GRIN2A: variants seen among roughly 807,000 people sequenced by gnomAD.
The protein encoded by GRIN2A is glutamate receptor ionotropic, NMDA 2A.
Under a neutral mutation model 113.4 loss-of-function variants are expected in GRIN2A, and 22 were observed. The ratio of observed to expected loss-of-function variants is 0.19; its 90% CI spans 0.14 to 0.28. The LOEUF is 0.28. Ranked by LOEUF, GRIN2A falls within the 10% of genes least tolerant of loss-of-function variation. The pLI is 1.00. For missense variants in GRIN2A, 1,502 were observed against 1,887.0 expected (o/e 0.80, Z 3.78); for synonymous variants, 827 against 738.4 (o/e 1.12, Z -1.94).
chr16:9,946,993 T>G (rs1293386434), intron 2 of GRIN2A, among the ~76,000 whole-genome samples: 2 of 152,236 alleles, frequency 1.3e-5, no homozygotes, highest in African/African-American at 4.8e-5. Context: ...GATTAGCTTT[T>G]CTGTCACTTG....
At chr16:10,108,054 G>A (rs1297488363) in intron 2 of GRIN2A, among the ~76,000 whole-genome samples, 1 of 152,152 alleles carries the variant, frequency 6.6e-6, no homozygotes, top group African/African-American at 2.4e-5. Context: ...CCAAGATTAG[G>A]TACTCCTTGC....
chr16:10,128,256 G>A (rs1326607346), intron 2 of GRIN2A, among the ~76,000 whole-genome samples: 3 of 152,150 alleles, frequency 2.0e-5, no homozygotes, highest in African/African-American at 7.2e-5. Context: ...ACAAGCCATA[G>A]CCGTGGGTGC....
intron 10 of GRIN2A, among the ~76,000 whole-genome samples, chr16:9,813,369 A>G (rs537092594): frequency 6.6e-6 from 1 of 152,352 alleles, no homozygotes; most frequent in Admixed American, 6.5e-5. Context: ...AGAGAATTAT[A>G]GTCAGAAGAA....
chr16:10,118,601 C>T (rs936476040), intron 2 of GRIN2A, among the ~76,000 whole-genome samples: 1 of 152,212 alleles, frequency 6.6e-6, no homozygotes, highest in Non-Finnish European at 1.5e-5. Flanking sequence ...TCTATGTCTT[C>T]CAGTCCTGGT....
chr16:9,788,740 CTTTTTTT>C (rs748774026), intron 11 of GRIN2A, among the ~76,000 whole-genome samples: 38 of 104,874 alleles, frequency 3.6e-4, no homozygotes, highest in African/African-American at 1.3e-3. Flanking sequence ...TTTAAGTCTT[CTTTTTTT>C]TTTTTTTTTT....
intron 11 of GRIN2A, among the ~76,000 whole-genome samples, chr16:9,770,181 T>C (rs1211270924): frequency 6.6e-6 from 1 of 151,948 alleles, no homozygotes. Flanking sequence ...ACTTAGACTA[T>C]GATTCAGCCT....
At chr16:10,111,819 G>C (rs2048620371) in intron 2 of GRIN2A, 3 of 1,294,572 alleles carry the variant, frequency 2.3e-6, no homozygotes, top group African/African-American at 1.5e-5. Flanking sequence ...TCATCACTGA[G>C]ATGGGCACCA....
chr16:10,133,873 C>A (rs1187998222), intron 2 of GRIN2A, among the ~76,000 whole-genome samples: 1 of 152,054 alleles, frequency 6.6e-6, no homozygotes, highest in Non-Finnish European at 1.5e-5. Context: ...GTTACCACAT[C>A]CAAACAATTT....
intron 3 of GRIN2A, among the ~76,000 whole-genome samples, chr16:9,897,656 T>C (rs1005819411): frequency 5.3e-5 from 8 of 152,200 alleles, no homozygotes; most frequent in African/African-American, 1.9e-4. Flanking sequence ...TTTAGGCATG[T>C]TGGGTTAAAT....
chr16:9,814,555 T>G (rs975646262), intron 10 of GRIN2A, among the ~76,000 whole-genome samples: 2 of 152,176 alleles, frequency 1.3e-5, no homozygotes, highest in Admixed American at 6.5e-5. Context: ...TGCCTAAACC[T>G]AAACTCACAT....
At chr16:9,975,705 G>C (rs946819869) in intron 2 of GRIN2A, among the ~76,000 whole-genome samples, 1 of 152,192 alleles carries the variant, frequency 6.6e-6, no homozygotes, top group Non-Finnish European at 1.5e-5. Context: ...AATGACTGTG[G>C]ACTAAAAGTT....
chr16:10,135,554 C>G lies in GRIN2A; in HGVS notation c.414+44444G>C, dbSNP rs1477262691. ...TTAAGGTATTTGTTACAACAGAGCC[C>G]TATTCTTGGCACCAAAATCTGTATT... On this transcript the variant is annotated intron_variant, in intron 2 of 12. Transcript: ENST00000330684. Among the ~76,000 whole-genome samples, 5 of 152,170 alleles carry G rather than the reference C, an allele frequency of 3.3e-5. No homozygotes were observed. The East Asian group carries it at 9.6e-4, about 29-fold the overall frequency.
intron 2 of GRIN2A, among the ~76,000 whole-genome samples, chr16:10,152,827 A>G (rs893584112): frequency 4.6e-5 from 7 of 152,234 alleles, no homozygotes; most frequent in Non-Finnish European, 1.0e-4. Context: ...AAGTGAAAGA[A>G]GCCAATCTGA....
chr16:10,045,752 G>T (rs1006171030), intron 2 of GRIN2A, among the ~76,000 whole-genome samples: 1 of 152,334 alleles, frequency 6.6e-6, no homozygotes, highest in East Asian at 1.9e-4. Flanking sequence ...TCATCTTGGG[G>T]TGCCCCACCC....
intron 3 of GRIN2A, among the ~76,000 whole-genome samples, chr16:9,902,611 A>T (rs11642197): frequency 0.3 from 45,765 of 152,136 alleles, 8,186 homozygotes; most frequent in African/African-American, 0.5. Context: ...TCAGATTTCA[A>T]AGGCTTTGAA....
chr16:9,957,936 C>T (rs1172500883), intron 2 of GRIN2A, among the ~76,000 whole-genome samples: 1 of 152,142 alleles, frequency 6.6e-6, no homozygotes, highest in Non-Finnish European at 1.5e-5. Flanking sequence ...AAGGGCTTCC[C>T]CAAAGAACAC....
intron 2 of GRIN2A, among the ~76,000 whole-genome samples, chr16:10,076,219 T>C (rs1261864356): frequency 6.6e-6 from 1 of 152,186 alleles, no homozygotes; most frequent in Non-Finnish European, 1.5e-5. Context: ...AAGTCTGTCC[T>C]GCTGCTTGTG....
At chr16:10,142,849 C>G (rs2049355101) in intron 2 of GRIN2A, among the ~76,000 whole-genome samples, 1 of 152,198 alleles carries the variant, frequency 6.6e-6, no homozygotes, top group Admixed American at 6.5e-5. Context: ...GGTCTCATCC[C>G]TTTTCCAATT....
Position 9,938,021 on chromosome 16 carries a change from C to T in GRIN2A, c.945G>A (p.Glu315=), listed in dbSNP as rs1292646685. ...TCTGCCCGTAGCAGCTGGCCTTGGC[C>T]TCGGGGATGTAGGAGAACTTCTCCA... ...SMLEKFSYIP[E]AKASCYGQME... Residue 315 remains glutamate (E), a synonymous_variant, in exon 3 of 13, where the codon GAG becomes GAA. Coordinates refer to ENST00000330684, the MANE Select transcript of GRIN2A (RefSeq NM_001134407.3). 2 of 1,613,964 alleles carry T rather than the reference C, an allele frequency of 1.2e-6. No individual in the cohort carries two copies.
Sources: gnomAD v4.1 joint callset for allele counts (sites outside exome capture counted in the v4.1 genomes callset) on GRCh38, gnomAD v4.1.1 for gene constraint, MANE v1.5 for transcripts, NCBI Gene and HGNC (gene_info 2026-07-23, HGNC 2026-07-21) for gene names.